The following ARHGAP35 variants were observed in gnomAD, a reference collection of about 807,000 sequenced individuals.
ARHGAP35 encodes the protein Rho GTPase activating protein 35.
A neutral mutation model predicts 111.1 loss-of-function variants in ARHGAP35; 15 were observed. The ratio of observed to expected loss-of-function variants is 0.13; its 90% CI spans 0.09 to 0.21. The LOEUF (loss-of-function observed/expected upper bound fraction) is 0.21. ARHGAP35 is among the 10% of genes least tolerant of loss of function. ARHGAP35 has a pLI of 1.00. For missense variants in ARHGAP35, 1,262 were observed against 1,873.0 expected, an observed-to-expected ratio of 0.67 and a Z score of 6.02; for synonymous variants, 643 against 710.3, an observed-to-expected ratio of 0.91 and a Z score of 1.51.
At chr19:46,865,907 C>T (rs2055853437) in intron 1 of ARHGAP35, among the ~76,000 whole-genome samples, 1 of 152,170 alleles carries the variant, frequency 6.6e-6, no homozygotes, top group Non-Finnish European at 1.5e-5. Context: ...ATGGCGCAAT[C>T]TCAGCTCACC....
At chr19:46,956,524 A>G (rs544223064) in intron 3 of ARHGAP35, among the ~76,000 whole-genome samples, 6 of 151,984 alleles carry the variant, frequency 3.9e-5, no homozygotes, top group East Asian at 1.9e-4. Flanking sequence ...TGTTCAAGCA[A>G]TTCTCCTGCC....
At chr19:46,929,591 CTTTTTTTTT>C (rs55818906) in intron 2 of ARHGAP35, among the ~76,000 whole-genome samples, 118 of 93,054 alleles carry the variant, frequency 1.3e-3, no homozygotes, top group Middle Eastern at 7.0e-3. Flanking sequence ...ACCTGTTACT[CTTTTTTTTT>C]TTTTTTTTTT....
intron 1 of ARHGAP35, among the ~76,000 whole-genome samples, chr19:46,888,530 GAGAA>G (rs938752153): frequency 6.6e-6 from 1 of 150,488 alleles, no homozygotes; most frequent in African/African-American, 2.4e-5. Flanking sequence ...CCATAAAGGT[GAGAA>G]AGCACATTTT....
In ARHGAP35 at chr19:46,920,449, G is replaced by T. The variant is rs2056191900; in HGVS notation, c.1774G>T (p.Asp592Tyr). The T allele has an allele frequency of 6.2e-7, 1 of 1,613,870 alleles. No homozygotes were observed. The highest frequency in any genetic ancestry group is 8.5e-7 in the Non-Finnish European group (1 of 1,179,764). The change falls in exon 2 of 7, where the codon GAC becomes TAC. Residue 592 changes from aspartate to tyrosine, a missense_variant. This residue lies in a region of ARHGAP35 where 328 missense variants were observed against 440.8 expected (regional missense o/e 0.74). Transcript: ENST00000672722. The surrounding 1 kb of genome is among the most constrained non-coding windows in gnomAD (Gnocchi z 7.0). ...SDRNQKNSLS[D>Y]PNIDRINLVI... The stretch of plus-strand genomic sequence containing the variant: ...CCGGAATCAGAAAAATTCACTCTCT[G>T]ACCCTAACATTGATAGAATCAACTT...
chr19:46,976,668 T>C (rs2056581664), intron 3 of ARHGAP35, among the ~76,000 whole-genome samples: 1 of 152,208 alleles, frequency 6.6e-6, no homozygotes, highest in East Asian at 1.9e-4. Flanking sequence ...ACCAGGCCCA[T>C]GGCCTGTCCT....
intron 1 of ARHGAP35, among the ~76,000 whole-genome samples, chr19:46,872,481 T>A (rs2055893022): frequency 6.6e-6 from 1 of 151,886 alleles, no homozygotes; most frequent in Admixed American, 6.6e-5. Flanking sequence ...TATAAACATA[T>A]GAAAGAAAAA....
intron 3 of ARHGAP35, among the ~76,000 whole-genome samples, chr19:46,987,680 A>G (rs1003948678): frequency 3.3e-5 from 5 of 152,248 alleles, no homozygotes; most frequent in African/African-American, 4.8e-5. Flanking sequence ...TGTTTTTTAA[A>G]TGAAAATGAA....
chr19:46,928,605 G>T (rs1247885376), intron 2 of ARHGAP35, among the ~76,000 whole-genome samples: 1 of 151,904 alleles, frequency 6.6e-6, no homozygotes, highest in Non-Finnish European at 1.5e-5. Context: ...GTGGATCCGC[G>T]GTCACCAGAC....
chr19:46,912,861 G>C (rs2056145409), intron 1 of ARHGAP35, among the ~76,000 whole-genome samples: 1 of 150,304 alleles, frequency 6.7e-6, no homozygotes, highest in Non-Finnish European at 1.5e-5. Flanking sequence ...AGCTGCTAAT[G>C]GGAACTCATA....
Position 47,000,947 on chromosome 19 carries a change from T to C in ARHGAP35, c.*259T>C. The stretch of plus-strand genomic sequence containing the variant: ...TAGGCAGGCAATGGCTCCAGTGCCC[T>C]CCCTCTGTTCCCTGGACCACCACCC... On this transcript the variant is annotated 3_prime_UTR_variant, in exon 7 of 7. Transcript: ENST00000672722. This position sits in a 1 kb window ranked among gnomAD's most constrained non-coding sequence, Gnocchi z 6.9. 1 of 1,519,348 alleles carries C rather than the reference T, an allele frequency of 6.6e-7. No individual in the cohort carries two copies. The highest frequency in any genetic ancestry group is 8.8e-7 in the Non-Finnish European group (1 of 1,136,418). The allele number at this position is 1,519,348 out of a possible 1,614,324, so 94.1% of individuals were successfully genotyped here.
intron 3 of ARHGAP35, among the ~76,000 whole-genome samples, chr19:46,967,158 T>G (rs1338545404): frequency 1.3e-5 from 2 of 152,104 alleles, no homozygotes; most frequent in East Asian, 3.9e-4. Context: ...GGAGTCCTTC[T>G]GCATGGGGAC....
Position 47,003,913 on chromosome 19 carries a change from G to GAC in ARHGAP35, c.*3228_*3229dup, listed in dbSNP as rs375875258. The stretch of plus-strand genomic sequence containing the variant: ...CCCCCGCAGGCCACCAGGCATTCTG[G>GAC]ACACGCACACACACACACACACACA... On this transcript the variant is annotated 3_prime_UTR_variant, in exon 7 of 7. Transcript: ENST00000672722. 0.19 allele frequency: 22,983 copies of GAC among 120,220 alleles called. 2,029 individuals carry two copies. The highest frequency in any genetic ancestry group is 0.3 in the Middle Eastern group (61 of 204). 7.4% of individuals were successfully genotyped at this position (120,220 alleles called of 1,614,324 possible).
chr19:46,987,047 C>T (rs919835706), intron 3 of ARHGAP35, among the ~76,000 whole-genome samples: 3 of 151,924 alleles, frequency 2.0e-5, no homozygotes, highest in East Asian at 1.9e-4. Flanking sequence ...AGGCTGGTCT[C>T]GAACTCCTGA....
At chr19:46,890,887 G>C (rs1377360750) in intron 1 of ARHGAP35, among the ~76,000 whole-genome samples, 1 of 152,230 alleles carries the variant, frequency 6.6e-6, no homozygotes, top group African/African-American at 2.4e-5. Context: ...TGCCCAGAGG[G>C]TGTGTAATAC....
At position 46,901,850 on chromosome 19, in the gene ARHGAP35, G is replaced by A. The variant is rs1402407306; in HGVS notation, c.-188-16638G>A. On this transcript the variant is annotated intron_variant, in intron 1 of 6. Coordinates refer to ENST00000672722, the MANE Select transcript of ARHGAP35 (RefSeq NM_004491.5). The surrounding 1 kb of genome is among the most constrained non-coding windows in gnomAD (Gnocchi z 4.5). ...GTCCAGTGATCCTGCTGACAGATGAGAGCTGTCAAGATAGCTTGGCTGTGA... is the reference window on the plus strand; with the variant it reads ...GTCCAGTGATCCTGCTGACAGATGAAAGCTGTCAAGATAGCTTGGCTGTGA... Among the ~76,000 whole-genome samples the A allele has an allele frequency of 1.3e-5, 2 of 152,178 alleles. No homozygotes were observed. Among genetic ancestry groups the A allele is most frequent in the Non-Finnish European group, 2.9e-5 (2 of 68,034 alleles).
rs562982053 is a variant in ARHGAP35 at position 46,950,892 on chromosome 19, C to T, written c.3826+13484C>T. Among the ~76,000 whole-genome samples the T allele has an allele frequency of 5.3e-5, 8 of 152,324 alleles. 1 individual carries two copies. The South Asian group carries it at 1.7e-3, about 32-fold the overall frequency. ...AGTAGGTGTCAACAAGAACACCTAG[C>T]AGTGAGACAAGTCTTCACCAAGACT... On this transcript the variant is annotated intron_variant, in intron 3 of 6. Coordinates refer to ENST00000672722, the MANE Select transcript of ARHGAP35 (RefSeq NM_004491.5).
chr19:46,884,874 G>A (rs977930370), intron 1 of ARHGAP35, among the ~76,000 whole-genome samples: 1 of 152,062 alleles, frequency 6.6e-6, no homozygotes, highest in Non-Finnish European at 1.5e-5. Flanking sequence ...CACCCACCAT[G>A]CCTGGCTACT....
At chr19:46,916,772 A>G (rs2056166860) in intron 1 of ARHGAP35, among the ~76,000 whole-genome samples, 1 of 151,182 alleles carries the variant, frequency 6.6e-6, no homozygotes, top group South Asian at 2.1e-4. Context: ...TTACCACCCC[A>G]TTTGTGTTCT....
intron 3 of ARHGAP35, among the ~76,000 whole-genome samples, chr19:46,953,319 G>A (rs1441102364): frequency 6.6e-6 from 1 of 152,154 alleles, no homozygotes; most frequent in Non-Finnish European, 1.5e-5. Context: ...TTTTAGATAA[G>A]GAGGGCTGGG....
Sources: allele counts gnomAD v4.1 joint callset (sites outside exome capture counted in the v4.1 genomes callset), GRCh38; gene constraint gnomAD v4.1.1; regional missense constraint gnomAD v4.1.1; non-coding constraint Gnocchi (gnomAD v3.1); transcripts MANE v1.5; gene names NCBI Gene and HGNC (gene_info 2026-07-23, HGNC 2026-07-21).